E2F3: variants seen among roughly 807,000 people sequenced by gnomAD.
The protein encoded by E2F3 is E2F transcription factor 3, also known as transcription factor E2F3.
A neutral mutation model predicts 44.4 loss-of-function variants in E2F3; 11 were observed. The ratio of observed to expected loss-of-function variants is 0.25; its 90% CI spans 0.16 to 0.41. The LOEUF (loss-of-function observed/expected upper bound fraction) is 0.41. Ranked by LOEUF, E2F3 falls within the 10% of genes least tolerant of loss-of-function variation. E2F3 has a pLI of 1.00. For missense variants in E2F3, 487 were observed against 583.6 expected, an observed-to-expected ratio of 0.83 and a Z score of 1.70; for synonymous variants, 249 against 253.0, an observed-to-expected ratio of 0.98 and a Z score of 0.15.
chr6:20,414,883 A>G (rs1379785977), intron 1 of E2F3, among the ~76,000 whole-genome samples: 1 of 152,212 alleles, frequency 6.6e-6, no homozygotes, highest in East Asian at 1.9e-4. Flanking sequence ...TCTGCCAATT[A>G]CCGTGTGTGA....
In E2F3 at chr6:20,429,498, G is replaced by C. The variant is rs186809900; in HGVS notation, c.393+26873G>C. Among the ~76,000 whole-genome samples the C allele has an allele frequency of 1.1e-3, 165 of 152,276 alleles. 1 individual carries two copies. Among genetic ancestry groups the C allele is most frequent in the Non-Finnish European group, 7.8e-4 (53 of 68,028 alleles). ...TATAGGAAAAAACAGTATGTATAGG[G>C]TTTGGTACTATCTGAGGTTTCAGGC... is the stretch of plus-strand genomic sequence containing the variant. On this transcript the variant is annotated intron_variant, in intron 1 of 6. Transcript: ENST00000346618.
At position 20,402,749 on chromosome 6, in the gene E2F3, G is replaced by A. The variant is rs940484727; in HGVS notation, c.393+124G>A. The A allele has an allele frequency of 2.9e-5, 36 of 1,247,004 alleles. No homozygotes were observed. The highest frequency in any genetic ancestry group is 1.7e-4 in the African/African-American group (11 of 63,978). The allele number at this position is 1,247,004 out of a possible 1,614,324, so 77.2% of individuals were successfully genotyped here. On this transcript the variant is annotated intron_variant, in intron 1 of 6. Coordinates refer to ENST00000346618, the MANE Select transcript of E2F3 (RefSeq NM_001949.5). The surrounding 1 kb of genome is among the most constrained non-coding windows in gnomAD (Gnocchi z 5.6). ...GGGCCGAGCATCGTGGGCCTCGGGG[G>A]CTGCCCCTCCAACGAGGGTTCATTG...
chr6:20,421,683 C>T (rs1760031510), intron 1 of E2F3: 1 of 152,180 alleles, frequency 6.6e-6, no homozygotes, highest in South Asian at 2.1e-4. Flanking sequence ...TAACATAGTT[C>T]TTTTTTCTGA....
chr6:20,483,068 T>C (rs1417416630), intron 4 of E2F3, 148 bp downstream of exon 4: 1 of 1,155,414 alleles, frequency 8.7e-7, no homozygotes, highest in Non-Finnish European at 1.2e-6. Context: ...TGTGTGTGTG[T>C]GCACGTGTGT....
intron 1 of E2F3, among the ~76,000 whole-genome samples, chr6:20,467,892 G>T (rs967569227): frequency 6.6e-6 from 1 of 151,944 alleles, no homozygotes; most frequent in Non-Finnish European, 1.5e-5. Flanking sequence ...GTATGGAGCT[G>T]CCACTCCATA....
intron 1 of E2F3, among the ~76,000 whole-genome samples, chr6:20,425,083 A>G (rs1467664529): frequency 6.6e-6 from 1 of 152,170 alleles, no homozygotes; most frequent in African/African-American, 2.4e-5. Context: ...ACCTAGCAAG[A>G]TCTCTCTAAA....
At chr6:20,486,843 G>A (rs747235871) in intron 5 of E2F3, 40 bp downstream of exon 5, 1 of 1,341,078 alleles carries the variant, frequency 7.5e-7, no homozygotes, top group Non-Finnish European at 1.1e-6. Context: ...AAAGATCTTT[G>A]TGGAATGCCT....
At chr6:20,488,688 G>A (rs1219450273) in intron 6 of E2F3, among the ~76,000 whole-genome samples, 1 of 152,108 alleles carries the variant, frequency 6.6e-6, no homozygotes, top group Non-Finnish European at 1.5e-5. Flanking sequence ...GAGGATATGG[G>A]AGGAGAACGC....
intron 1 of E2F3, among the ~76,000 whole-genome samples, chr6:20,466,144 G>A (rs561321629): frequency 1.6e-4 from 24 of 152,012 alleles, no homozygotes; most frequent in African/African-American, 3.1e-4. Context: ...GCAGAGTCTC[G>A]CTCTGTCACC....
intron 1 of E2F3, among the ~76,000 whole-genome samples, chr6:20,455,997 AT>A (rs1428041183): frequency 6.6e-6 from 1 of 152,062 alleles, no homozygotes; most frequent in Non-Finnish European, 1.5e-5. Context: ...GTATTCTTCC[AT>A]TTTTGCTTAG....
chr6:20,435,816 G>A (rs2127594569), intron 1 of E2F3, among the ~76,000 whole-genome samples: 1 of 152,190 alleles, frequency 6.6e-6, no homozygotes, highest in Non-Finnish European at 1.5e-5. Flanking sequence ...GATTCTGGAG[G>A]TAAGAAAAAG....
intron 1 of E2F3, among the ~76,000 whole-genome samples, chr6:20,461,229 C>T (rs1020676034): frequency 6.6e-6 from 1 of 152,074 alleles, no homozygotes; most frequent in Non-Finnish European, 1.5e-5. Context: ...CACGGTGGCT[C>T]ACTCCTGTAA....
At position 20,410,578 on chromosome 6, in the gene E2F3, C is replaced by G. The variant is rs149497391; in HGVS notation, c.393+7953C>G. On this transcript the variant is annotated intron_variant, in intron 1 of 6. Coordinates refer to ENST00000346618, the MANE Select transcript of E2F3 (RefSeq NM_001949.5). Reference sequence around the variant, plus strand: ...AAACATGGTATAATTGCCCTTCCTTCCACAGGCATCTCATGGGCTGTCCTT... The same window carrying G: ...AAACATGGTATAATTGCCCTTCCTTGCACAGGCATCTCATGGGCTGTCCTT... 3.3e-5 allele frequency among the ~76,000 whole-genome samples: 5 copies of G among 152,306 alleles called. No individual in the cohort carries two copies. In the East Asian group the frequency reaches 9.6e-4, roughly 29 times the overall value.
intron 1 of E2F3, among the ~76,000 whole-genome samples, chr6:20,416,288 C>T (rs1759842779): frequency 6.6e-6 from 1 of 152,172 alleles, no homozygotes; most frequent in Non-Finnish European, 1.5e-5. Context: ...CCTATACCCA[C>T]GCTGGCCCCA....
chr6:20,435,217 A>G (rs994269200), intron 1 of E2F3, among the ~76,000 whole-genome samples: 2 of 152,134 alleles, frequency 1.3e-5, no homozygotes, highest in African/African-American at 2.4e-5. Context: ...GGCTCAAGCA[A>G]TCTTCCTTCC....
intron 1 of E2F3, among the ~76,000 whole-genome samples, chr6:20,427,306 C>T (rs1468924344): frequency 6.6e-6 from 1 of 152,174 alleles, no homozygotes; most frequent in Admixed American, 6.5e-5. Flanking sequence ...CATTTATGCT[C>T]CATTGACTGA....
chr6:20,422,504 T>G (rs1760062446), intron 1 of E2F3, among the ~76,000 whole-genome samples: 1 of 152,252 alleles, frequency 6.6e-6, no homozygotes, highest in Non-Finnish European at 1.5e-5. Context: ...GGCTAACTAT[T>G]TGGCACAAGT....
At chr6:20,468,029 A>G (rs1761770102) in intron 1 of E2F3, among the ~76,000 whole-genome samples, 1 of 152,206 alleles carries the variant, frequency 6.6e-6, no homozygotes, top group South Asian at 2.1e-4. Flanking sequence ...AATTCTGAAA[A>G]TGCTGAGGAA....
At chr6:20,424,835 T>A (rs1760158943) in intron 1 of E2F3, among the ~76,000 whole-genome samples, 1 of 152,180 alleles carries the variant, frequency 6.6e-6, no homozygotes, top group African/African-American at 2.4e-5. Context: ...AAAGTGAGGC[T>A]CAGTGATGAA....
Sources: allele counts gnomAD v4.1 joint callset (sites outside exome capture counted in the v4.1 genomes callset), GRCh38; gene constraint gnomAD v4.1.1; non-coding constraint Gnocchi (gnomAD v3.1); transcripts MANE v1.5; gene names NCBI Gene and HGNC (gene_info 2026-07-23, HGNC 2026-07-21).